Variants in PHACTR1 observed in about 807,000 individuals in gnomAD.
PHACTR1 encodes the protein RPEL repeat containing 1.
In PHACTR1, 16 loss-of-function variants were observed where a neutral mutation model predicts 69.2. That is an observed-to-expected ratio of 0.23 (90% confidence interval 0.16 to 0.35). The LOEUF (loss-of-function observed/expected upper bound fraction) is 0.35, where lower values mean the gene tolerates loss of function less well. PHACTR1 is among the 10% of genes least tolerant of loss of function. PHACTR1 has a pLI of 1.00. For missense variants in PHACTR1, 510 were observed against 734.7 expected (o/e 0.69, Z 3.54); for synonymous variants, 312 against 284.5 (o/e 1.10, Z -0.97).
At chr6:13,066,975 GT>G (rs1436853546) in intron 5 of PHACTR1, among the ~76,000 whole-genome samples, 1 of 152,150 alleles carries the variant, frequency 6.6e-6, no homozygotes, top group Non-Finnish European at 1.5e-5. Context: ...CTAAACAAGG[GT>G]GTGGATGCCA....
chr6:13,042,369 T>G (rs1804325705), intron 4 of PHACTR1, among the ~76,000 whole-genome samples: 1 of 152,178 alleles, frequency 6.6e-6, no homozygotes, highest in African/African-American at 2.4e-5. Flanking sequence ...AGGATCTTTC[T>G]TCTTAGCCAG....
chr6:13,046,457 G>A (rs534314686), intron 4 of PHACTR1, among the ~76,000 whole-genome samples: 1 of 152,256 alleles, frequency 6.6e-6, no homozygotes, highest in African/African-American at 2.4e-5. Flanking sequence ...GGTGGAGGAG[G>A]GTGGTGCACA....
At chr6:13,000,173 G>A (rs1797900602) in intron 4 of PHACTR1, among the ~76,000 whole-genome samples, 1 of 152,130 alleles carries the variant, frequency 6.6e-6, no homozygotes, top group Non-Finnish European at 1.5e-5. Context: ...AGGGCATGTG[G>A]GAATCCACGA....
At chr6:13,014,400 A>T (rs548339425) in intron 4 of PHACTR1, among the ~76,000 whole-genome samples, 13 of 152,300 alleles carry the variant, frequency 8.5e-5, no homozygotes, top group African/African-American at 3.1e-4. Flanking sequence ...TAAAAGAGCA[A>T]GTCTGGGATT....
chr6:13,009,487 A>AT (rs1799198582), intron 4 of PHACTR1, among the ~76,000 whole-genome samples: 1 of 152,152 alleles, frequency 6.6e-6, no homozygotes, highest in Non-Finnish European at 1.5e-5. Context: ...TGACCTTAAT[A>AT]TTTTGTATTT....
At chr6:13,080,256 A>T (rs558176559) in intron 5 of PHACTR1, among the ~76,000 whole-genome samples, 1 of 152,258 alleles carries the variant, frequency 6.6e-6, no homozygotes, top group Non-Finnish European at 1.5e-5. Context: ...GGAGCCTTTA[A>T]AAAAGTTATT....
chr6:12,805,595 CTT>C (rs1324242395), intron 4 of PHACTR1, among the ~76,000 whole-genome samples: 21 of 149,864 alleles, frequency 1.4e-4, no homozygotes, highest in Non-Finnish European at 2.2e-4. Flanking sequence ...CTCTGTCTCT[CTT>C]TCTTTCTTTC....
chr6:12,933,328 A>G (rs1462665503), intron 4 of PHACTR1, among the ~76,000 whole-genome samples: 2 of 152,210 alleles, frequency 1.3e-5, no homozygotes, highest in African/African-American at 4.8e-5. Flanking sequence ...TAAATGTCCT[A>G]CAAATAACTG....
intron 4 of PHACTR1, among the ~76,000 whole-genome samples, chr6:12,820,165 A>G (rs902194925): frequency 6.6e-6 from 1 of 152,066 alleles, no homozygotes; most frequent in African/African-American, 2.4e-5. Context: ...TCATCAGTAA[A>G]CAAGTTTTTT....
intron 4 of PHACTR1, among the ~76,000 whole-genome samples, chr6:12,898,052 T>C (rs1784847310): frequency 6.6e-6 from 1 of 152,206 alleles, no homozygotes; most frequent in Admixed American, 6.5e-5. Flanking sequence ...ACTGATATCT[T>C]TATTCTACTG....
At chr6:13,033,281 T>G (rs144237209) in intron 4 of PHACTR1, among the ~76,000 whole-genome samples, 39 of 152,368 alleles carry the variant, frequency 2.6e-4, no homozygotes, top group Non-Finnish European at 3.8e-4. Flanking sequence ...GAAATGAGAC[T>G]ATTTTCCCCT....
chr6:13,193,357 G>GTGTATATATATA lies in PHACTR1; in HGVS notation c.664+10672_664+10673insGTATATATATAT, dbSNP rs536184609. Reference sequence around the variant, plus strand: ...ATTCTACCTCTTAATAGCTCTCTGTGTATATATATATATATATATATATAT... The same window carrying GTGTATATATATA: ...ATTCTACCTCTTAATAGCTCTCTGTGTGTATATATATATATATATATATATATATATATATAT... On this transcript the variant is annotated intron_variant, in intron 7 of 14. Coordinates refer to ENST00000332995, the MANE Select transcript of PHACTR1 (RefSeq NM_030948.6). 2.2e-3 allele frequency among the ~76,000 whole-genome samples: 149 copies of GTGTATATATATA among 68,192 alleles called. 7 individuals are homozygous for GTGTATATATATA. The highest frequency in any genetic ancestry group is 0.017 in the Admixed American group (92 of 5,330). The allele number at this position is 68,192 out of a possible 152,430, so 44.7% of individuals were successfully genotyped here. A position where few individuals can be genotyped will look rare whatever the true frequency, so the allele number is the denominator to read the frequency against.
intron 4 of PHACTR1, among the ~76,000 whole-genome samples, chr6:12,893,720 C>T (rs1413311958): frequency 6.6e-6 from 1 of 152,184 alleles, no homozygotes; most frequent in Non-Finnish European, 1.5e-5. Context: ...GTTTCCTTTT[C>T]TCTTCTTCCA....
chr6:12,943,164 C>G (rs1790231592), intron 4 of PHACTR1, among the ~76,000 whole-genome samples: 1 of 152,148 alleles, frequency 6.6e-6, no homozygotes, highest in Non-Finnish European at 1.5e-5. Flanking sequence ...TGTGGCATAT[C>G]CATATAATGA....
At chr6:13,188,007 TC>T (rs1472910160) in intron 7 of PHACTR1, among the ~76,000 whole-genome samples, 2 of 152,202 alleles carry the variant, frequency 1.3e-5, no homozygotes, top group Non-Finnish European at 2.9e-5. Flanking sequence ...TCCACAGGGT[TC>T]TTTACATATG....
chr6:13,230,060 AG>A lies in PHACTR1; in HGVS notation c.1260del (p.Lys421ArgfsTer4). On this transcript the variant is annotated frameshift_variant, in exon 10 of 15. Coordinates refer to ENST00000332995, the MANE Select transcript of PHACTR1 (RefSeq NM_030948.6). LOFTEE classifies it high-confidence loss of function. The stretch of plus-strand genomic sequence containing the variant: ...AGGCTCCCTGGCCATGAAGGTCTGC[AG>A]GAAGGACTCCTTAGCCATCAAACTC... Reference protein sequence around the residue: ...YTSSLAMKVCRKDSLAIKLSN... With the variant: ...YTSSLAMKVCXKDSLAIKLSN... The A allele has an allele frequency of 6.2e-7, 1 of 1,610,886 alleles. No individual in the cohort carries two copies. Among genetic ancestry groups the A allele is most frequent in the Non-Finnish European group, 8.5e-7 (1 of 1,178,612 alleles).
At chr6:12,859,602 G>GT (rs571377494) in intron 4 of PHACTR1, among the ~76,000 whole-genome samples, 5 of 152,150 alleles carry the variant, frequency 3.3e-5, no homozygotes, top group African/African-American at 4.8e-5. Flanking sequence ...GATTTGAAGG[G>GT]TTTTTTAAGT....
chr6:12,841,945 C>T (rs920985403), intron 4 of PHACTR1, among the ~76,000 whole-genome samples: 5 of 152,060 alleles, frequency 3.3e-5, no homozygotes, highest in Non-Finnish European at 5.9e-5. Flanking sequence ...AAAGAAGGCC[C>T]TTTAGAATCT....
chr6:13,148,450 C>G lies in PHACTR1; in HGVS notation c.416-11754C>G, dbSNP rs183310508. On this transcript the variant is annotated intron_variant, in intron 5 of 14. Transcript: ENST00000332995. ...CCCTAATATGATCTAATACCCAGTTCATATTCATATTTACCTAGCTGACCC... is the reference window on the plus strand; with the variant it reads ...CCCTAATATGATCTAATACCCAGTTGATATTCATATTTACCTAGCTGACCC... Among the ~76,000 whole-genome samples the G allele has an allele frequency of 3.6e-3, 550 of 152,312 alleles. 6 individuals carry two copies. The highest frequency in any genetic ancestry group is 0.013 in the African/African-American group (528 of 41,584).
Sources: gnomAD v4.1 joint callset for allele counts (sites outside exome capture counted in the v4.1 genomes callset) on GRCh38, gnomAD v4.1.1 for gene constraint, MANE v1.5 for transcripts, NCBI Gene and HGNC (gene_info 2026-07-23, HGNC 2026-07-21) for gene names.